SPEF2: variants seen among roughly 807,000 people sequenced by gnomAD.
SPEF2 encodes the protein sperm flagellar and cilia associated 2.
Under a neutral mutation model 224.6 loss-of-function variants are expected in SPEF2, and 187 were observed. That is an observed-to-expected ratio of 0.83 (90% CI 0.74 to 0.94). The LOEUF is 0.94. Among genes scored for constraint, SPEF2 ranks in the 40% least tolerant of loss-of-function variants. The pLI, the probability that SPEF2 is intolerant of heterozygous loss-of-function variation, is 0.00. For synonymous variants in SPEF2, 715 were observed against 707.3 expected, an observed-to-expected ratio of 1.01 and a Z score of -0.17; for missense variants, 2,170 against 2,135.6, an observed-to-expected ratio of 1.02 and a Z score of -0.32.
chr5:35,732,907 T>C (rs1378885897), intron 21 of SPEF2, among the ~76,000 whole-genome samples: 1 of 152,222 alleles, frequency 6.6e-6, no homozygotes, highest in African/African-American at 2.4e-5. Flanking sequence ...ATAATTGTTC[T>C]ATTTTATTAT....
At chr5:35,701,911 C>G (rs1412886413) in intron 16 of SPEF2, among the ~76,000 whole-genome samples, 1 of 152,002 alleles carries the variant, frequency 6.6e-6, no homozygotes, top group Non-Finnish European at 1.5e-5. Context: ...CCCAGGAATT[C>G]AAGGCTGCAG....
At chr5:35,686,434 A>G (rs1416437804) in intron 10 of SPEF2, among the ~76,000 whole-genome samples, 1 of 152,064 alleles carries the variant, frequency 6.6e-6, no homozygotes, top group Non-Finnish European at 1.5e-5. Context: ...ATGTGCACTG[A>G]AGATAATTTT....
At chr5:35,671,175 GATAGTAC>G in intron 10 of SPEF2, 1 of 985,304 alleles carries the variant, frequency 1.0e-6, no homozygotes. Flanking sequence ...ATTATTCACT[GATAGTAC>G]ATACTCAACA....
At chr5:35,696,620 T>C (rs865832383) in intron 14 of SPEF2, among the ~76,000 whole-genome samples, 67 of 152,332 alleles carry the variant, frequency 4.4e-4, no homozygotes, top group African/African-American at 1.5e-3. Context: ...GATATATCAG[T>C]GAATACAAAA....
In SPEF2 at chr5:35,700,746, A is replaced by AT. The variant is rs1447687524; in HGVS notation, c.2394dup (p.Ile799TyrfsTer3). On this transcript the variant is annotated frameshift_variant, in exon 16 of 37. Transcript: ENST00000356031. LOFTEE classifies it high-confidence loss of function. The stretch of plus-strand genomic sequence containing the variant: ...TTCCTCAATGAGTCGCATGAATGAT[A>AT]TTATAGGTAAGCTGGACACCTTTTT... 6.2e-7 allele frequency: 1 copy of AT among 1,613,432 alleles called. No homozygotes were observed. The highest frequency in any genetic ancestry group is 8.5e-7 in the Non-Finnish European group (1 of 1,179,484).
intron 23 of SPEF2, among the ~76,000 whole-genome samples, chr5:35,741,899 G>A (rs1444176744): frequency 1.3e-5 from 2 of 152,138 alleles, no homozygotes. Context: ...TCAGGTGATT[G>A]TTGGCAGAGA....
intron 29 of SPEF2, among the ~76,000 whole-genome samples, chr5:35,778,665 T>C (rs1240989766): frequency 6.6e-6 from 1 of 152,236 alleles, no homozygotes. Context: ...AGAAATACAT[T>C]ATTGAACTTG....
At chr5:35,802,375 A>T (rs1265519642) in intron 34 of SPEF2, among the ~76,000 whole-genome samples, 2 of 152,214 alleles carry the variant, frequency 1.3e-5, no homozygotes, top group Non-Finnish European at 2.9e-5. Flanking sequence ...CACTGCTTCC[A>T]CAAACATTTA....
intron 34 of SPEF2, among the ~76,000 whole-genome samples, chr5:35,804,078 T>G (rs1182049508): frequency 1.3e-5 from 2 of 152,216 alleles, no homozygotes; most frequent in South Asian, 4.1e-4. Flanking sequence ...TGTAAAAACA[T>G]CTTGGCAAGG....
chr5:35,738,018 A>C (rs1746928054), intron 21 of SPEF2, among the ~76,000 whole-genome samples: 1 of 152,202 alleles, frequency 6.6e-6, no homozygotes, highest in Non-Finnish European at 1.5e-5. Context: ...TCTTCTTTTA[A>C]GAAGTGTCTG....
At chr5:35,673,536 A>AT (rs1751475561) in intron 10 of SPEF2, among the ~76,000 whole-genome samples, 2 of 152,082 alleles carry the variant, frequency 1.3e-5, no homozygotes, top group South Asian at 4.1e-4. Context: ...GCACTCAACC[A>AT]TTTTCAGAGC....
At chr5:35,630,142 TGGC>T (rs1266418952) in intron 2 of SPEF2, among the ~76,000 whole-genome samples, 1 of 152,178 alleles carries the variant, frequency 6.6e-6, no homozygotes, top group Non-Finnish European at 1.5e-5. Flanking sequence ...TCCGTCCCTG[TGGC>T]TTTCAGGGTA....
At chr5:35,774,252 A>G (rs936221121) in intron 28 of SPEF2, among the ~76,000 whole-genome samples, 2 of 152,230 alleles carry the variant, frequency 1.3e-5, no homozygotes, top group Non-Finnish European at 2.9e-5. Flanking sequence ...TTAACTGATG[A>G]CACGATCTCA....
At position 35,654,573 on chromosome 5, in the gene SPEF2, G is replaced by C. The variant is rs753701176; in HGVS notation, c.825G>C (p.Gln275His). 1 of 1,606,666 alleles carries C rather than the reference G, an allele frequency of 6.2e-7. No homozygotes were observed. Among genetic ancestry groups the C allele is most frequent in the Non-Finnish European group, 8.5e-7 (1 of 1,178,130 alleles). Residue 275 changes from glutamine to histidine, a missense_variant, in exon 7 of 37, where the codon CAG becomes CAC. Physicochemically the swap from Gln to His is conservative, Grantham distance 24 (BLOSUM62 0). Coordinates refer to ENST00000356031, the MANE Select transcript of SPEF2 (RefSeq NM_024867.4). Reference protein sequence around the residue: ...ASKTSLDTAGQTTTDLLNTYS... With the variant: ...ASKTSLDTAGHTTTDLLNTYS... The stretch of plus-strand genomic sequence containing the variant: ...AGACTTCTTTAGATACAGCAGGCCA[G>C]ACAACCACCGATTTGTTAAATACTT...
At chr5:35,646,000 C>T (rs1292285244) in intron 4 of SPEF2, among the ~76,000 whole-genome samples, 1 of 152,060 alleles carries the variant, frequency 6.6e-6, no homozygotes, top group Non-Finnish European at 1.5e-5. Context: ...ATTAGTTTCA[C>T]ATATTACCTC....
intron 2 of SPEF2, among the ~76,000 whole-genome samples, chr5:35,635,244 GT>G (rs748899959): frequency 1.3e-5 from 2 of 151,864 alleles, no homozygotes; most frequent in African/African-American, 2.4e-5. Context: ...TTTTATTTCA[GT>G]TGTACTTTTC....
At chr5:35,629,142 C>T (rs1400733768) in intron 2 of SPEF2, among the ~76,000 whole-genome samples, 1 of 134,156 alleles carries the variant, frequency 7.5e-6, no homozygotes, top group South Asian at 2.4e-4. Flanking sequence ...TTTTGTTAAT[C>T]GATTGTTCCT....
At chr5:35,731,360 C>A (rs115080549) in intron 21 of SPEF2, among the ~76,000 whole-genome samples, 1 of 152,154 alleles carries the variant, frequency 6.6e-6, no homozygotes, top group Non-Finnish European at 1.5e-5. Flanking sequence ...CTGGAAGAAA[C>A]AGACAAGCAC....
Position 35,753,681 on chromosome 5 carries a change from G to A in SPEF2, c.3388G>A (p.Glu1130Lys). The change falls in exon 24 of 37, where the codon GAG becomes AAG. Residue 1130 changes from glutamate to lysine, a missense_variant. Coordinates refer to ENST00000356031, the MANE Select transcript of SPEF2 (RefSeq NM_024867.4). ...CDARKEEAEQ[E>K]RLDIINESWL... is the part of the protein sequence containing the mutation. ...TGCCCGGAAGGAAGAGGCGGAGCAG[G>A]AGCGGCTTGACATCATTAATGAGAG... 6.2e-7 allele frequency: 1 copy of A among 1,614,170 alleles called. No homozygotes were observed. Among genetic ancestry groups the A allele is most frequent in the East Asian group, 2.2e-5 (1 of 44,880 alleles).
Sources: gnomAD v4.1 joint callset for allele counts (sites outside exome capture counted in the v4.1 genomes callset) on GRCh38, gnomAD v4.1.1 for gene constraint, MANE v1.5 for transcripts, NCBI Gene and HGNC (gene_info 2026-07-23, HGNC 2026-07-21) for gene names.